Variants in MEGF8 observed in about 807,000 individuals in gnomAD.
The protein encoded by MEGF8 is multiple epidermal growth factor-like domains protein 8.
MEGF8 carries 156 observed loss-of-function variants against 302.9 expected under a neutral mutation model. The observed-to-expected ratio is 0.52, with a 90% CI of 0.45 to 0.59. The LOEUF is 0.59. Among genes scored for constraint, MEGF8 ranks in the 20% least tolerant of loss-of-function variants. The probability of loss-of-function intolerance (pLI) is 0.00; values close to 1 mark genes in which losing one functional copy is unlikely to be tolerated. For synonymous variants in MEGF8, 1,621 were observed against 1,660.5 expected (o/e 0.98, Z 0.58); for missense variants, 3,345 against 3,964.5 (o/e 0.84, Z 4.20).
chr19:42,375,968 CGTGACG>C lies in MEGF8; in HGVS notation c.7739_7744del (p.Val2580_Thr2581del). ...TATGGCCGCGGGGCCTGATTACCTACGTGACGGTGACGGAGCCGTCGGCAGTGCTGG... is the reference window on the plus strand; with the variant it reads ...TATGGCCGCGGGGCCTGATTACCTACGTGACGGAGCCGTCGGCAGTGCTGG... On this transcript the variant is annotated inframe_deletion, in exon 42 of 42. Transcript: ENST00000251268. The surrounding 1 kb of genome is among the most constrained non-coding windows in gnomAD (Gnocchi z 7.1). The C allele has an allele frequency of 6.2e-7, 1 of 1,606,900 alleles. No individual in the cohort carries two copies. The highest frequency in any genetic ancestry group is 1.3e-5 in the African/African-American group (1 of 74,998).
chr19:42,360,683 T>C, intron 31 of MEGF8, 92 bp from the exon 32 acceptor site: 2 of 1,526,728 alleles, frequency 1.3e-6, no homozygotes. Flanking sequence ...TTCTCCTCTT[T>C]CCCTGCATCC....
rs2039451859 is a variant in MEGF8, at chr19:42,356,303, G to A, written c.4504-32G>A. Reference sequence around the variant, plus strand: ...GGCCTGGCACTTTGTCCTGACCCTAGCCTGATCCCCAATGTCCGCACCCAC... The same window carrying A: ...GGCCTGGCACTTTGTCCTGACCCTAACCTGATCCCCAATGTCCGCACCCAC... On this transcript the variant is annotated intron_variant, in intron 25 of 41. Transcript: ENST00000251268. This position sits in a 1 kb window ranked among gnomAD's most constrained non-coding sequence, Gnocchi z 5.2. 1 of 1,596,148 alleles carries A rather than the reference G, an allele frequency of 6.3e-7. No individual in the cohort carries two copies. The highest frequency in any genetic ancestry group is 1.7e-5 in the Admixed American group (1 of 57,440).
chr19:42,335,447 C>T (rs1417034216), intron 5 of MEGF8, 62 bp downstream of exon 5: 3 of 1,498,758 alleles, frequency 2.0e-6, no homozygotes, highest in East Asian at 2.3e-5. Flanking sequence ...GCCGGGGACC[C>T]CCGGAATGAT....
intron 1 of MEGF8, among the ~76,000 whole-genome samples, chr19:42,329,858 C>T (rs2039032860): frequency 6.8e-6 from 1 of 146,164 alleles, no homozygotes; most frequent in Non-Finnish European, 1.5e-5. Flanking sequence ...GGCAGCAGAG[C>T]GAGACCCTGT....
At position 42,336,007 on chromosome 19, in the gene MEGF8, C is replaced by T. The variant is rs750594133; in HGVS notation, c.905C>T (p.Ser302Leu). The change falls in exon 6 of 42, where the codon TCG becomes TTG. Residue 302 changes from serine to leucine, a missense_variant. Coordinates refer to ENST00000251268, the MANE Select transcript of MEGF8 (RefSeq NM_001271938.2). The surrounding 1 kb of genome is among the most constrained non-coding windows in gnomAD (Gnocchi z 4.8). Reference sequence around the variant, plus strand: ...ATGGGTGGTGAGCTGGCTGACGGCTCGCTCACCAACGACGTGTGGGCCTTC... The same window carrying T: ...ATGGGTGGTGAGCTGGCTGACGGCTTGCTCACCAACGACGTGTGGGCCTTC... ...VLMGGELADG[S>L]LTNDVWAFSP... 12 of 1,545,160 alleles carry T rather than the reference C, an allele frequency of 7.8e-6. No individual in the cohort carries two copies. The highest frequency in any genetic ancestry group is 2.4e-5 in the East Asian group (1 of 41,162).
chr19:42,333,530 A>C, intron 1 of MEGF8, 75 bp from the exon 2 acceptor site: 1 of 1,471,214 alleles, frequency 6.8e-7, no homozygotes, highest in South Asian at 1.3e-5. Flanking sequence ...TTTGGTGTAC[A>C]ATTGTGGGAG....
Position 42,335,223 on chromosome 19 carries a change from G to A in MEGF8, c.739+8G>A. 1.2e-6 allele frequency: 2 copies of A among 1,614,042 alleles called. No homozygotes were observed. The highest frequency in any genetic ancestry group is 1.1e-5 in the South Asian group (1 of 91,092). Reference sequence around the variant, plus strand: ...TGCTGGCAGTTTTCGGAGGTGAGCAGATGGGGCGAGTATCTGGGATCTGGA... The same window carrying A: ...TGCTGGCAGTTTTCGGAGGTGAGCAAATGGGGCGAGTATCTGGGATCTGGA... On this transcript the variant is annotated splice_region_variant and intron_variant, in intron 4 of 41. Transcript: ENST00000251268.
rs961208160 is a variant in MEGF8 at position 42,357,155 on chromosome 19, C to G, written c.4830+174C>G. Among the ~76,000 whole-genome samples, 1 of 152,202 alleles carries G rather than the reference C, an allele frequency of 6.6e-6. No individual in the cohort carries two copies. Among genetic ancestry groups the G allele is most frequent in the Non-Finnish European group, 1.5e-5 (1 of 68,012 alleles). ...GAGCCAGTCCTGGGCTGGGACACAG[C>G]TTCACTCAGCAGCAGAGAGAGGCCA... is the stretch of plus-strand genomic sequence containing the variant. On this transcript the variant is annotated intron_variant, in intron 27 of 41. Coordinates refer to ENST00000251268, the MANE Select transcript of MEGF8 (RefSeq NM_001271938.2). This position sits in a 1 kb window ranked among gnomAD's most constrained non-coding sequence, Gnocchi z 5.2.
At chr19:42,338,445 T>C (rs1011077360) in intron 8 of MEGF8, among the ~76,000 whole-genome samples, 1 of 152,200 alleles carries the variant, frequency 6.6e-6, no homozygotes, top group African/African-American at 2.4e-5. Context: ...TTTTGCCATG[T>C]TGGCAAGGCT....
chr19:42,350,058 C>T, intron 14 of MEGF8, 90 bp from the exon 15 acceptor site: 2 of 1,057,986 alleles, frequency 1.9e-6, no homozygotes, highest in Non-Finnish European at 2.8e-6. Context: ...AGTTCTCAAC[C>T]TGGGCTCCAA....
chr19:42,359,075 C>T (rs757680992), intron 30 of MEGF8, 23 bp from the exon 31 acceptor site: 4 of 1,511,924 alleles, frequency 2.6e-6, no homozygotes, highest in Admixed American at 4.2e-5. Flanking sequence ...GTCCTGTCCC[C>T]CCACCCCCCG....
At chr19:42,364,012 C>T (rs534583934) in intron 35 of MEGF8, among the ~76,000 whole-genome samples, 1 of 152,312 alleles carries the variant, frequency 6.6e-6, no homozygotes, top group African/African-American at 2.4e-5. Context: ...ACTTAGTGCA[C>T]GAGCTACATG....
rs1256350035 is a variant in MEGF8, at chr19:42,351,433, C to T, written c.2860C>T (p.Leu954=). The T allele has an allele frequency of 6.3e-7, 1 of 1,594,892 alleles. No individual in the cohort carries two copies. Among genetic ancestry groups the T allele is most frequent in the East Asian group, 2.3e-5 (1 of 43,936 alleles). ...EECPPLCSQR[L]TCEDCLANSS... is the part of the protein sequence containing the mutation. The stretch of plus-strand genomic sequence containing the variant: ...GCCCCCTGCTCCCCACCCCAGGCGA[C>T]TGACCTGTGAGGACTGCCTGGCCAA... Residue 954 remains leucine, a synonymous_variant, in exon 17 of 42, where the codon CTG becomes TTG. Transcript: ENST00000251268. This position sits in a 1 kb window ranked among gnomAD's most constrained non-coding sequence, Gnocchi z 5.6.
chr19:42,377,411 G>C lies in MEGF8; in HGVS notation c.*636G>C, dbSNP rs937506591. 1.3e-5 allele frequency: 2 copies of C among 152,736 alleles called. No individual in the cohort carries two copies. Among genetic ancestry groups the C allele is most frequent in the African/African-American group, 2.4e-5 (1 of 41,448 alleles). 9.5% of individuals were successfully genotyped at this position (152,736 alleles called of 1,614,324 possible). A position where few individuals can be genotyped will look rare whatever the true frequency, so the allele number is the denominator to read the frequency against. ...CCAGGGCCTTGTGGGCCCCACATAGGGTTTTGGGTTTTATTCTCAGGGCAA... is the reference window on the plus strand; with the variant it reads ...CCAGGGCCTTGTGGGCCCCACATAGCGTTTTGGGTTTTATTCTCAGGGCAA... On this transcript the variant is annotated 3_prime_UTR_variant, in exon 42 of 42. Transcript: ENST00000251268.
rs760139304 is a variant in MEGF8, at chr19:42,355,847, C to T, written c.4234C>T (p.Pro1412Ser). ...VGSARCGSGG[P>S]GSCPVPQECV... Reference sequence around the variant, plus strand: ...CTCTGCCCGCTGTGGGTCAGGGGGCCCCGGGAGCTGTCCCGTCCCCCAGGA... The same window carrying T: ...CTCTGCCCGCTGTGGGTCAGGGGGCTCCGGGAGCTGTCCCGTCCCCCAGGA... The change falls in exon 24 of 42, where the codon CCC (proline) becomes TCC (serine). Residue 1412 changes from proline (P) to serine (S), a missense_variant. Coordinates refer to ENST00000251268, the MANE Select transcript of MEGF8 (RefSeq NM_001271938.2). The T allele has an allele frequency of 1.9e-6, 3 of 1,567,334 alleles. No individual in the cohort carries two copies. Among genetic ancestry groups the T allele is most frequent in the African/African-American group, 2.7e-5 (2 of 73,836 alleles).
At position 42,357,458 on chromosome 19, in the gene MEGF8, C is replaced by A; in HGVS notation, c.4885C>A (p.Arg1629=). ...AVAGHTLTAR[R]GLSLLLVGGY... ...TGCTGGTCACACCCTTACTGCCCGC[C>A]GAGGCCTGTCTCTGCTCCTGGTGGG... The change falls in exon 28 of 42, where the codon CGA becomes AGA. Residue 1629 remains arginine (R), a synonymous_variant. Coordinates refer to ENST00000251268, the MANE Select transcript of MEGF8 (RefSeq NM_001271938.2). The surrounding 1 kb of genome is among the most constrained non-coding windows in gnomAD (Gnocchi z 5.2). The A allele has an allele frequency of 1.2e-6, 2 of 1,613,794 alleles. No individual in the cohort carries two copies. Among genetic ancestry groups the A allele is most frequent in the South Asian group, 2.2e-5 (2 of 91,084 alleles).
At chr19:42,373,944 C>T (rs1023824080) in intron 41 of MEGF8, among the ~76,000 whole-genome samples, 1 of 151,998 alleles carries the variant, frequency 6.6e-6, no homozygotes, top group Non-Finnish European at 1.5e-5. Flanking sequence ...AACTCCTGGG[C>T]TCAAGCGGCA....
Position 42,344,980 on chromosome 19 carries a change from TA to T in MEGF8, c.2097+148del. The T allele has an allele frequency of 1.1e-6, 1 of 945,004 alleles. No homozygotes were observed. The highest frequency in any genetic ancestry group is 1.4e-6 in the Non-Finnish European group (1 of 703,408). 58.5% of individuals were successfully genotyped at this position (945,004 alleles called of 1,614,324 possible). ...TATTTTCCTTATGGACTTTATTTTT[TA>T]TTTTTTTTGAGAGGGAGTCTTGCTC... On this transcript the variant is annotated intron_variant, in intron 12 of 41. Coordinates refer to ENST00000251268, the MANE Select transcript of MEGF8 (RefSeq NM_001271938.2). This position sits in a 1 kb window ranked among gnomAD's most constrained non-coding sequence, Gnocchi z 4.5.
chr19:42,334,712 T>C (rs190691025), intron 3 of MEGF8, among the ~76,000 whole-genome samples: 95 of 152,268 alleles, frequency 6.2e-4, no homozygotes, highest in Non-Finnish European at 1.1e-3. Flanking sequence ...CTGCCGTCTT[T>C]CTGTCTTTTC....
Sources: allele counts gnomAD v4.1 joint callset (sites outside exome capture counted in the v4.1 genomes callset), GRCh38; gene constraint gnomAD v4.1.1; non-coding constraint Gnocchi (gnomAD v3.1); transcripts MANE v1.5; gene names NCBI Gene and HGNC (gene_info 2026-07-23, HGNC 2026-07-21).